SLC14A2: variants seen among roughly 807,000 people sequenced by gnomAD.
SLC14A2 encodes urea transporter 2.
A neutral mutation model predicts 104.6 loss-of-function variants in SLC14A2; 91 were observed. The observed-to-expected ratio is 0.87, with a 90% CI of 0.73 to 1.04. The LOEUF is 1.04. Ranked by LOEUF, SLC14A2 falls within the 50% of genes least tolerant of loss-of-function variation. The pLI is 0.00. For missense variants in SLC14A2, 1,189 were observed against 1,156.0 expected, an observed-to-expected ratio of 1.03 and a Z score of -0.41; for synonymous variants, 476 against 466.4, an observed-to-expected ratio of 1.02 and a Z score of -0.27.
intron 1 of SLC14A2, among the ~76,000 whole-genome samples, chr18:45,342,422 G>A (rs1297839604): frequency 6.6e-6 from 1 of 152,168 alleles, no homozygotes; most frequent in Non-Finnish European, 1.5e-5. Context: ...GTGTAGCTGG[G>A]CTTGAGAGTG....
In SLC14A2 at chr18:45,343,757, T is replaced by C. The variant is rs544662591; in HGVS notation, c.-125+130566T>C. Among the ~76,000 whole-genome samples, 19 of 152,288 alleles carry C rather than the reference T, an allele frequency of 1.2e-4. 1 individual carries two copies. The South Asian group carries it at 3.9e-3, about 32-fold the overall frequency. ...CTCCATCAAATTGTGGCCCTGTGAT[T>C]CCTTTGAGTAATCAAAGGGCCTTAG... is the stretch of plus-strand genomic sequence containing the variant. On this transcript the variant is annotated intron_variant, in intron 1 of 20. Coordinates refer to the SLC14A2 transcript ENST00000586448.
intron 1 of SLC14A2, among the ~76,000 whole-genome samples, chr18:45,232,639 A>G (rs1006923368): frequency 2.0e-5 from 3 of 152,110 alleles, no homozygotes; most frequent in Non-Finnish European, 4.4e-5. Context: ...CACCATAGAC[A>G]ATCTGTTTGT....
At chr18:45,289,510 C>T (rs1418184553) in intron 1 of SLC14A2, among the ~76,000 whole-genome samples, 1 of 152,200 alleles carries the variant, frequency 6.6e-6, no homozygotes, top group East Asian at 1.9e-4. Flanking sequence ...AGCTGATAAA[C>T]TCTAATGAAG....
intron 1 of SLC14A2, among the ~76,000 whole-genome samples, chr18:45,423,562 T>C (rs2086378931): frequency 6.6e-6 from 1 of 152,096 alleles, no homozygotes; most frequent in South Asian, 2.1e-4. Flanking sequence ...ACCTATTTTA[T>C]GGGTGAAGAC....
intron 1 of SLC14A2, chr18:45,435,425 A>C (rs757051686): frequency 1.1e-4 from 16 of 152,220 alleles, no homozygotes; most frequent in Non-Finnish European, 2.4e-4. Flanking sequence ...GTTATTGAGA[A>C]ATCTGTGCAT....
At chr18:45,589,475 T>A (rs1394285815) in intron 2 of SLC14A2, among the ~76,000 whole-genome samples, 1 of 152,238 alleles carries the variant, frequency 6.6e-6, no homozygotes, top group African/African-American at 2.4e-5. Context: ...AATGCACGTT[T>A]AGTGTTTCCA....
At chr18:45,414,797 G>GA (rs2086258383) in intron 1 of SLC14A2, among the ~76,000 whole-genome samples, 2 of 76,220 alleles carry the variant, frequency 2.6e-5, no homozygotes, top group Non-Finnish European at 5.2e-5. Context: ...TATATATATA[G>GA]AAAAGTACAG....
chr18:45,446,593 A>C (rs1035809384), intron 1 of SLC14A2, among the ~76,000 whole-genome samples: 5 of 152,224 alleles, frequency 3.3e-5, no homozygotes, highest in African/African-American at 1.2e-4. Context: ...ACAAACATGA[A>C]AAGCAGATCT....
At position 45,235,815 on chromosome 18, in the gene SLC14A2, ATATATATATATATATACGTG is replaced by A. The variant is rs2084220542; in HGVS notation, c.-125+22636_-125+22655del. 6.0e-5 allele frequency among the ~76,000 whole-genome samples: 5 copies of A among 83,018 alleles called. 1 individual carries two copies. The highest frequency in any genetic ancestry group is 3.5e-4 in the African/African-American group (5 of 14,124). The allele number at this position is 83,018 out of a possible 152,430, so 54.5% of individuals were successfully genotyped here. ...TATGCGCGTGTGTGTGTGTGTGTGT[ATATATATATATATATACGTG>A]TATATATATATGTATATATACATAT... On this transcript the variant is annotated intron_variant, in intron 1 of 20. Transcript: ENST00000586448.
chr18:45,501,220 G>A (rs2043193321), intron 2 of SLC14A2, among the ~76,000 whole-genome samples: 1 of 152,092 alleles, frequency 6.6e-6, no homozygotes, highest in African/African-American at 2.4e-5. Context: ...TTTGACTCTG[G>A]CAAACTGGCT....
At chr18:45,328,988 G>C (rs72906677) in intron 1 of SLC14A2, among the ~76,000 whole-genome samples, 1 of 152,126 alleles carries the variant, frequency 6.6e-6, no homozygotes, top group South Asian at 2.1e-4. Context: ...TGTTTCCAAA[G>C]CCGACCAGCA....
At chr18:45,324,270 G>A (rs140109786) in intron 1 of SLC14A2, among the ~76,000 whole-genome samples, 3 of 152,082 alleles carry the variant, frequency 2.0e-5, no homozygotes, top group Non-Finnish European at 2.9e-5. Context: ...TTTAAACCAC[G>A]CCATGGTGGC....
intron 1 of SLC14A2, among the ~76,000 whole-genome samples, chr18:45,279,404 A>G (rs905441239): frequency 3.9e-5 from 6 of 152,200 alleles, no homozygotes; most frequent in African/African-American, 1.4e-4. Flanking sequence ...AAAGGGATGG[A>G]TGGAGTCAAA....
intron 1 of SLC14A2, among the ~76,000 whole-genome samples, chr18:45,429,822 G>A (rs1314357916): frequency 2.0e-5 from 3 of 152,126 alleles, no homozygotes; most frequent in Non-Finnish European, 4.4e-5. Flanking sequence ...GGGAAGACCT[G>A]CTGTTGTAGT....
intron 2 of SLC14A2, among the ~76,000 whole-genome samples, chr18:45,558,967 T>A (rs2044168605): frequency 6.6e-6 from 1 of 152,056 alleles, no homozygotes; most frequent in Admixed American, 6.5e-5. Flanking sequence ...ATTTTTTGTA[T>A]TTTAGTAGAG....
intron 1 of SLC14A2, among the ~76,000 whole-genome samples, chr18:45,314,061 G>A (rs117024740): frequency 6.6e-6 from 1 of 152,208 alleles, no homozygotes; most frequent in Admixed American, 6.5e-5. Flanking sequence ...GCACAGGCCT[G>A]ACACAGTGTG....
intron 1 of SLC14A2, among the ~76,000 whole-genome samples, chr18:45,216,958 C>CT: frequency 6.6e-6 from 1 of 152,232 alleles, no homozygotes; most frequent in East Asian, 1.9e-4. Context: ...TCTCCACACT[C>CT]TAAGTTAGGG....
intron 2 of SLC14A2, among the ~76,000 whole-genome samples, chr18:45,609,656 A>AT (rs2044937802): frequency 6.6e-6 from 1 of 152,188 alleles, no homozygotes; most frequent in Admixed American, 6.5e-5. Flanking sequence ...TCAATAACCG[A>AT]TCTGTCTCTC....
intron 2 of SLC14A2, among the ~76,000 whole-genome samples, chr18:45,490,324 A>T (rs2087698100): frequency 1.3e-5 from 2 of 152,216 alleles, no homozygotes; most frequent in Non-Finnish European, 2.9e-5. Context: ...AAACTGGTAC[A>T]TGATGGGGTG....
Sources: gnomAD v4.1 joint callset for allele counts (sites outside exome capture counted in the v4.1 genomes callset) on GRCh38, gnomAD v4.1.1 for gene constraint, MANE v1.5 for transcripts, NCBI Gene and HGNC (gene_info 2026-07-23, HGNC 2026-07-21) for gene names.